The following TRAPPC8 variants were observed in gnomAD, a reference collection of about 807,000 sequenced individuals.
TRAPPC8 encodes trafficking protein particle complex subunit 8, also known as general sporulation gene 1 homolog.
TRAPPC8 carries 54 observed loss-of-function variants against 174.3 expected under a neutral mutation model. The observed-to-expected ratio is 0.31, with a 90% CI of 0.25 to 0.39. The LOEUF is 0.39. Ranked by LOEUF, TRAPPC8 falls within the 10% of genes least tolerant of loss-of-function variation. TRAPPC8 has a pLI of 1.00. For missense variants in TRAPPC8, 1,531 were observed against 1,699.1 expected, an observed-to-expected ratio of 0.90 and a Z score of 1.74; for synonymous variants, 630 against 579.9, an observed-to-expected ratio of 1.09 and a Z score of -1.24.
chr18:31,905,379 C>T (rs138970972), intron 9 of TRAPPC8, among the ~76,000 whole-genome samples: 1 of 152,262 alleles, frequency 6.6e-6, no homozygotes, highest in African/African-American at 2.4e-5. Context: ...AAACTGAATG[C>T]CTACACTTTG....
At chr18:31,840,774 C>T (rs1466715639) in intron 26 of TRAPPC8, among the ~76,000 whole-genome samples, 1 of 152,108 alleles carries the variant, frequency 6.6e-6, no homozygotes, top group Non-Finnish European at 1.5e-5. Context: ...TTTGCTGACC[C>T]CTTATCTACA....
Position 31,912,781 on chromosome 18 carries a change from C to T in TRAPPC8, c.771+588G>A, listed in dbSNP as rs573007245. Among the ~76,000 whole-genome samples, 13 of 152,280 alleles carry T rather than the reference C, an allele frequency of 8.5e-5. No individual in the cohort carries two copies. In the South Asian group the frequency reaches 2.1e-3, roughly 24 times the overall value. ...GACAAGTCAGAAATTCCATTCTGCA[C>T]GTCTAGCCTATCTAACTCAATTCTT... is the stretch of plus-strand genomic sequence containing the variant. On this transcript the variant is annotated intron_variant, in intron 5 of 28. Coordinates refer to ENST00000283351, the MANE Select transcript of TRAPPC8 (RefSeq NM_014939.5).
chr18:31,853,595 T>C (rs1282059489), intron 22 of TRAPPC8, among the ~76,000 whole-genome samples: 1 of 152,106 alleles, frequency 6.6e-6, no homozygotes, highest in Non-Finnish European at 1.5e-5. Flanking sequence ...AGTAATCATG[T>C]ACCCAAGCAC....
intron 2 of TRAPPC8, among the ~76,000 whole-genome samples, chr18:31,927,585 T>G (rs1236070924): frequency 1.3e-5 from 2 of 152,036 alleles, no homozygotes; most frequent in Non-Finnish European, 2.9e-5. Flanking sequence ...AAAAATTTTC[T>G]TCAGATGGGG....
intron 18 of TRAPPC8, among the ~76,000 whole-genome samples, chr18:31,866,639 T>C (rs949231283): frequency 3.3e-5 from 5 of 152,158 alleles, no homozygotes; most frequent in Non-Finnish European, 5.9e-5. Context: ...AAAGAAAATA[T>C]ATCAGAAGGG....
intron 1 of TRAPPC8, 110 bp from the exon 2 acceptor site, chr18:31,931,633 C>T (rs1173224456): frequency 5.3e-6 from 4 of 750,892 alleles, no homozygotes; most frequent in Non-Finnish European, 6.0e-6. Context: ...CAGAAGCCAG[C>T]AATTCCAAGT....
At chr18:31,912,308 T>C (rs1406068733) in intron 5 of TRAPPC8, among the ~76,000 whole-genome samples, 3 of 152,066 alleles carry the variant, frequency 2.0e-5, no homozygotes, top group African/African-American at 4.8e-5. Flanking sequence ...CTGACCAATA[T>C]GGTGAAACCC....
chr18:31,899,013 T>A (rs1329017799), intron 10 of TRAPPC8, among the ~76,000 whole-genome samples: 1 of 152,164 alleles, frequency 6.6e-6, no homozygotes, highest in South Asian at 2.1e-4. Context: ...TTTCAAAAAT[T>A]CAAAAATTAC....
chr18:31,907,635 T>C (rs2036721913), intron 8 of TRAPPC8, 25 bp from the exon 9 acceptor site: 9 of 1,542,326 alleles, frequency 5.8e-6, no homozygotes, highest in Non-Finnish European at 7.9e-6. Context: ...GAAAATAATT[T>C]ATAATTTATT....
chr18:31,919,633 G>T (rs1184041244), intron 2 of TRAPPC8, among the ~76,000 whole-genome samples: 1 of 151,076 alleles, frequency 6.6e-6, no homozygotes, highest in Admixed American at 6.6e-5. Context: ...GAGGTGAGTG[G>T]ACTGCTTGAG....
At chr18:31,918,859 A>G (rs1047784581) in intron 2 of TRAPPC8, among the ~76,000 whole-genome samples, 5 of 152,196 alleles carry the variant, frequency 3.3e-5, no homozygotes, top group Non-Finnish European at 7.3e-5. Flanking sequence ...TAGTGGTTTC[A>G]CTAGGTTTTA....
intron 1 of TRAPPC8, among the ~76,000 whole-genome samples, chr18:31,937,140 G>A (rs1431098289): frequency 6.6e-6 from 1 of 152,162 alleles, no homozygotes; most frequent in East Asian, 1.9e-4. Context: ...AGTGAACCCA[G>A]GAGGCGGAGC....
rs116327967 is a variant in TRAPPC8, at chr18:31,858,415, T to C, written c.2746-433A>G. Among the ~76,000 whole-genome samples the C allele has an allele frequency of 7.3e-3, 1,111 of 152,318 alleles. 14 individuals carry two copies. Among genetic ancestry groups the C allele is most frequent in the African/African-American group, 0.025 (1,060 of 41,570 alleles). On this transcript the variant is annotated intron_variant, in intron 19 of 28. Transcript: ENST00000283351. ...ATGAAAAGATATGCCAGATTTACTA[T>C]GGGTTTTAAAGTGAAAGAATGGGCA...
chr18:31,854,723 C>T (rs2033900558), intron 21 of TRAPPC8, among the ~76,000 whole-genome samples: 1 of 151,928 alleles, frequency 6.6e-6, no homozygotes, highest in South Asian at 2.1e-4. Flanking sequence ...AATCCCAGCA[C>T]TTGGGGAGGC....
chr18:31,858,293 T>C (rs1177825038), intron 19 of TRAPPC8, among the ~76,000 whole-genome samples: 1 of 152,204 alleles, frequency 6.6e-6, no homozygotes, highest in East Asian at 1.9e-4. Flanking sequence ...AAGTTGAAAG[T>C]AATTTAACAC....
chr18:31,909,817 C>A, intron 5 of TRAPPC8, 57 bp from the exon 6 acceptor site: 1 of 1,165,210 alleles, frequency 8.6e-7, no homozygotes. Context: ...ACTTAATATA[C>A]TATCAAATCC....
chr18:31,941,768 C>A (rs999722209), intron 1 of TRAPPC8, among the ~76,000 whole-genome samples: 1 of 152,134 alleles, frequency 6.6e-6, no homozygotes, highest in East Asian at 1.9e-4. Context: ...CAGTTCTTAC[C>A]GACCTTAACA....
At chr18:31,931,823 C>T (rs570156127) in intron 1 of TRAPPC8, among the ~76,000 whole-genome samples, 20 of 152,352 alleles carry the variant, frequency 1.3e-4, no homozygotes, top group South Asian at 1.2e-3. Context: ...ATCCATACCA[C>T]TTCCCTTATT....
Position 31,846,767 on chromosome 18 carries a change from A to T in TRAPPC8, c.3786T>A (p.His1262Gln). The stretch of plus-strand genomic sequence containing the variant: ...CTTTTCCTATAGTGCGAAGAATAAC[A>T]TGATGTTGACCTTCCAAAATAAGCT... Reference protein sequence around the residue: ...SKQLILEGQHHVILRTIGKEA... With the variant: ...SKQLILEGQHQVILRTIGKEA... The change falls in exon 26 of 29, where the codon CAT becomes CAA. Residue 1262 changes from histidine (H) to glutamine (Q), a missense_variant. Coordinates refer to ENST00000283351, the MANE Select transcript of TRAPPC8 (RefSeq NM_014939.5). The T allele has an allele frequency of 6.2e-7, 1 of 1,613,202 alleles. No homozygotes were observed. The highest frequency in any genetic ancestry group is 8.5e-7 in the Non-Finnish European group (1 of 1,179,362).
Sources: allele counts gnomAD v4.1 joint callset (sites outside exome capture counted in the v4.1 genomes callset), GRCh38; gene constraint gnomAD v4.1.1; transcripts MANE v1.5; gene names NCBI Gene and HGNC (gene_info 2026-07-23, HGNC 2026-07-21).